NEK6: variants seen among roughly 807,000 people sequenced by gnomAD.
NEK6 encodes the protein serine/threonine-protein kinase Nek6.
Under a neutral mutation model 43.5 loss-of-function variants are expected in NEK6, and 27 were observed. The ratio of observed to expected loss-of-function variants is 0.62; its 90% CI spans 0.46 to 0.86. NEK6 has a LOEUF of 0.86. Ranked by LOEUF, NEK6 falls within the 40% of genes least tolerant of loss-of-function variation. The pLI is 0.00. For missense variants in NEK6, 318 were observed against 414.4 expected, an observed-to-expected ratio of 0.77 and a Z score of 2.02; for synonymous variants, 167 against 164.1, an observed-to-expected ratio of 1.02 and a Z score of -0.14.
chr9:124,284,485 G>A (rs908699785), intron 1 of NEK6, among the ~76,000 whole-genome samples: 3 of 152,348 alleles, frequency 2.0e-5, no homozygotes, highest in South Asian at 2.1e-4. Context: ...CAGCGACCAC[G>A]CACACGTTTG....
At chr9:124,307,020 T>A (rs545698432) in intron 2 of NEK6, among the ~76,000 whole-genome samples, 9 of 152,262 alleles carry the variant, frequency 5.9e-5, no homozygotes, top group African/African-American at 2.2e-4. Context: ...ATGATTAAAA[T>A]TCAGGTCAGA....
chr9:124,291,482 C>T (rs1055952065), intron 1 of NEK6, among the ~76,000 whole-genome samples: 1 of 152,024 alleles, frequency 6.6e-6, no homozygotes, highest in Admixed American at 6.6e-5. Context: ...CAAAATTAGC[C>T]GGGCATGGTG....
chr9:124,288,654 A>G (rs1000305463), intron 1 of NEK6, among the ~76,000 whole-genome samples: 16 of 152,160 alleles, frequency 1.1e-4, no homozygotes, highest in African/African-American at 3.9e-4. Context: ...TTTTACCTGC[A>G]TGTAAAGTAC....
intron 2 of NEK6, among the ~76,000 whole-genome samples, chr9:124,305,623 T>G (rs1413702600): frequency 6.6e-6 from 1 of 152,034 alleles, no homozygotes; most frequent in Non-Finnish European, 1.5e-5. Context: ...AGCAACTGTT[T>G]TTTTGGGGTT....
chr9:124,303,986 G>T (rs1351886284), intron 2 of NEK6, among the ~76,000 whole-genome samples: 2 of 152,238 alleles, frequency 1.3e-5, no homozygotes, highest in Non-Finnish European at 2.9e-5. Flanking sequence ...CAGCGTTCAC[G>T]ACGTCTCATC....
chr9:124,326,425 G>A lies in NEK6; in HGVS notation c.501G>A (p.Arg167=), dbSNP rs749325595. ...CSAVEHMHSR[R]VMHRDIKPAN... is the part of the protein sequence containing the mutation. ...CCGTGGAGCACATGCATTCACGCCG[G>A]GTGATGCACCGAGGTACGTGCCACC... The change falls in exon 6 of 10, where the codon CGG becomes CGA. Residue 167 remains arginine (R), a synonymous_variant. Coordinates refer to ENST00000320246, the MANE Select transcript of NEK6 (RefSeq NM_014397.6). This position sits in a 1 kb window ranked among gnomAD's most constrained non-coding sequence, Gnocchi z 4.5. The A allele has an allele frequency of 6.2e-7, 1 of 1,608,384 alleles. No individual in the cohort carries two copies. Among genetic ancestry groups the A allele is most frequent in the Non-Finnish European group, 8.5e-7 (1 of 1,179,722 alleles).
chr9:124,317,678 C>T (rs886511843), intron 4 of NEK6, among the ~76,000 whole-genome samples: 3 of 152,178 alleles, frequency 2.0e-5, no homozygotes, highest in African/African-American at 4.8e-5. Flanking sequence ...GCCCCACTCC[C>T]GCCCCCTCTT....
chr9:124,346,661 G>A (rs538831994), intron 8 of NEK6, among the ~76,000 whole-genome samples: 150 of 152,290 alleles, frequency 9.8e-4, no homozygotes, highest in African/African-American at 3.4e-3. Flanking sequence ...GGTTCATAAT[G>A]GGGCCAGCAG....
intron 1 of NEK6, among the ~76,000 whole-genome samples, chr9:124,277,514 G>A (rs759744998): frequency 3.9e-5 from 6 of 152,156 alleles, no homozygotes; most frequent in Non-Finnish European, 8.8e-5. Flanking sequence ...TTCCTGCTGG[G>A]TGTTGGGGCA....
At chr9:124,312,973 C>T (rs1445311090) in intron 3 of NEK6, among the ~76,000 whole-genome samples, 3 of 152,264 alleles carry the variant, frequency 2.0e-5, no homozygotes, top group South Asian at 4.2e-4. Context: ...CCGCCAGGGC[C>T]CCAGCATGAG....
intron 8 of NEK6, among the ~76,000 whole-genome samples, chr9:124,342,345 G>A (rs759035432): frequency 6.6e-6 from 1 of 152,246 alleles, no homozygotes; most frequent in Non-Finnish European, 1.5e-5. Flanking sequence ...ATTAGAGCAC[G>A]TGTCTGTGTG....
At position 124,351,052 on chromosome 9, in the gene NEK6, G is replaced by A. The variant is rs1830252132; in HGVS notation, c.*105G>A. On this transcript the variant is annotated 3_prime_UTR_variant, in exon 10 of 10. Transcript: ENST00000320246. ...TAGCCTAGAACAGCTAAGACCACAG[G>A]GTTCAGCAGGTTCCCCAAAAGGCTG... The A allele has an allele frequency of 2.8e-6, 2 of 711,844 alleles. No homozygotes were observed. Among genetic ancestry groups the A allele is most frequent in the African/African-American group, 1.8e-5 (1 of 56,476 alleles). 44.1% of individuals were successfully genotyped at this position (711,844 alleles called of 1,614,324 possible).
At chr9:124,264,382 C>T (rs575492595) in intron 1 of NEK6, among the ~76,000 whole-genome samples, 3 of 152,306 alleles carry the variant, frequency 2.0e-5, no homozygotes, top group South Asian at 2.1e-4. Context: ...CTCCCTCATC[C>T]GGAAAACGGG....
intron 3 of NEK6, among the ~76,000 whole-genome samples, chr9:124,313,083 A>G (rs902313204): frequency 5.9e-5 from 9 of 152,042 alleles, no homozygotes; most frequent in Non-Finnish European, 1.2e-4. Context: ...TCCTAAATGG[A>G]GGAAGTAGGT....
At chr9:124,317,360 T>C (rs1833869718) in intron 4 of NEK6, among the ~76,000 whole-genome samples, 1 of 152,114 alleles carries the variant, frequency 6.6e-6, no homozygotes, top group African/African-American at 2.4e-5. Flanking sequence ...ATAACAGGTG[T>C]GCACCACCAC....
intron 1 of NEK6, among the ~76,000 whole-genome samples, chr9:124,284,691 C>G (rs1364958350): frequency 3.9e-5 from 6 of 152,222 alleles, no homozygotes; most frequent in African/African-American, 1.2e-4. Flanking sequence ...CTCCGGACGC[C>G]TGTGGAGGGA....
upstream of NEK6, chr9:124,257,859 G>C (rs1398219604): frequency 6.5e-6 from 7 of 1,073,014 alleles, no homozygotes; most frequent in Non-Finnish European, 6.9e-6. Flanking sequence ...CGCCCCTCAA[G>C]CTTGCGTGGC....
chr9:124,292,899 C>G, intron 1 of NEK6: 2 of 1,492,798 alleles, frequency 1.3e-6, no homozygotes, highest in Non-Finnish European at 1.8e-6. Context: ...GGCTGTGGAG[C>G]TGGGAGTGAC....
chr9:124,338,410 G>A (rs1028310214), intron 7 of NEK6, among the ~76,000 whole-genome samples: 1 of 152,224 alleles, frequency 6.6e-6, no homozygotes, highest in African/African-American at 2.4e-5. Flanking sequence ...GAATAAGGGG[G>A]TAGTTTGTCT....
Sources: gnomAD v4.1 joint callset for allele counts (sites outside exome capture counted in the v4.1 genomes callset) on GRCh38, gnomAD v4.1.1 for gene constraint, Gnocchi (gnomAD v3.1) non-coding constraint, MANE v1.5 for transcripts, NCBI Gene and HGNC (gene_info 2026-07-23, HGNC 2026-07-21) for gene names.